Variants in C3orf18 observed in about 807,000 individuals in gnomAD.
C3orf18 encodes the protein uncharacterized protein C3orf18.
Under a neutral mutation model 14.1 loss-of-function variants are expected in C3orf18, and 12 were observed. That is an observed-to-expected ratio of 0.85 (90% CI 0.55 to 1.38). C3orf18 has a LOEUF of 1.38. Among genes scored for constraint, C3orf18 ranks in the 40% most tolerant of loss-of-function variants. The probability of loss-of-function intolerance (pLI) is 0.00; values close to 1 mark genes in which losing one functional copy is unlikely to be tolerated. For missense variants in C3orf18, 196 were observed against 213.9 expected, an observed-to-expected ratio of 0.92 and a Z score of 0.52; for synonymous variants, 82 against 87.9, an observed-to-expected ratio of 0.93 and a Z score of 0.38.
In C3orf18 at chr3:50,561,908, T is replaced by G. The variant is rs538863128; in HGVS notation, c.235-161A>C. 4.1e-4 allele frequency: 284 copies of G among 690,368 alleles called. 2 individuals are homozygous for G. Among genetic ancestry groups the G allele is most frequent in the South Asian group, 2.9e-3 (175 of 60,466 alleles). The allele number at this position is 690,368 out of a possible 1,614,324, so 42.8% of individuals were successfully genotyped here. A position where few individuals can be genotyped will look rare whatever the true frequency, so the allele number is the denominator to read the frequency against. On this transcript the variant is annotated intron_variant, in intron 3 of 5. Coordinates refer to ENST00000357203, the MANE Select transcript of C3orf18 (RefSeq NM_016210.5). The stretch of plus-strand genomic sequence containing the variant: ...TCCCCCTTCACCTTCATGCCTCTTT[T>G]TTTTTTTTTGAGACAGAGTCTTGCT...
chr3:50,561,851 G>T (rs771386194), intron 3 of C3orf18, 104 bp from the exon 4 acceptor site: 1 of 1,171,112 alleles, frequency 8.5e-7, no homozygotes, highest in Non-Finnish European at 1.3e-6. Context: ...CAAGAGACCC[G>T]TGGGTCCCCG....
intron 3 of C3orf18, chr3:50,562,481 T>C (rs1284811824): frequency 2.2e-6 from 1 of 454,426 alleles, no homozygotes. Flanking sequence ...AGGGACCCGG[T>C]AAGGTAGCAC....
intron 3 of C3orf18, chr3:50,562,356 A>T: frequency 2.5e-6 from 1 of 400,476 alleles, no homozygotes; most frequent in Admixed American, 2.8e-5. Context: ...CTGTAGCTCC[A>T]GCCACTCAGC....
At chr3:50,566,295 G>A (rs1250612924) in intron 1 of C3orf18, among the ~76,000 whole-genome samples, 1 of 151,704 alleles carries the variant, frequency 6.6e-6, no homozygotes. Flanking sequence ...ACTTGCCCAA[G>A]AGTCAGACAG....
upstream of C3orf18, among the ~76,000 whole-genome samples, chr3:50,574,376 C>T (rs928769455): frequency 6.6e-6 from 1 of 152,166 alleles, no homozygotes; most frequent in Admixed American, 6.5e-5. Context: ...GATGAGTTTC[C>T]GGTGCTCTGG....
chr3:50,571,651 A>T, upstream of C3orf18: 1 of 1,483,792 alleles, frequency 6.7e-7, no homozygotes. Flanking sequence ...CACATAAGAC[A>T]CCTGGGTTGG....
At chr3:50,560,023 G>A (rs1323754726) in intron 5 of C3orf18, among the ~76,000 whole-genome samples, 2 of 152,202 alleles carry the variant, frequency 1.3e-5, no homozygotes, top group Non-Finnish European at 2.9e-5. Flanking sequence ...GTATCCCCAG[G>A]CCCTAGCACA....
intron 3 of C3orf18, among the ~76,000 whole-genome samples, chr3:50,562,183 C>T (rs1700018604): frequency 6.6e-6 from 1 of 152,216 alleles, no homozygotes; most frequent in South Asian, 2.1e-4. Context: ...CAGGCGTGAG[C>T]CACCACACTG....
In C3orf18 at chr3:50,558,611, A is replaced by G; in HGVS notation, c.*1046T>C. On this transcript the variant is annotated 3_prime_UTR_variant, in exon 6 of 6. Coordinates refer to ENST00000357203, the MANE Select transcript of C3orf18 (RefSeq NM_016210.5). ...GTCATAACTGCCCCCTCTAGCCTGC[A>G]GCCTGTGATTACTGCCCTCAGACCA... is the stretch of plus-strand genomic sequence containing the variant. The G allele has an allele frequency of 9.3e-7, 1 of 1,080,544 alleles. No individual in the cohort carries two copies. The highest frequency in any genetic ancestry group is 1.5e-5 in the South Asian group (1 of 66,880). The allele number at this position is 1,080,544 out of a possible 1,614,324, so 66.9% of individuals were successfully genotyped here.
Position 50,565,705 on chromosome 3 carries a change from T to C in C3orf18, c.-6A>G, listed in dbSNP as rs1383370034. 5 of 1,603,544 alleles carry C rather than the reference T, an allele frequency of 3.1e-6. No homozygotes were observed. Among genetic ancestry groups the C allele is most frequent in the Non-Finnish European group, 4.2e-6 (5 of 1,176,472 alleles). On this transcript the variant is annotated 5_prime_UTR_variant, in exon 3 of 6. Transcript: ENST00000357203. This position sits in a 1 kb window ranked among gnomAD's most constrained non-coding sequence, Gnocchi z 4.4. ...GATGCGGTCCTGGAGTTCATGCTGA[T>C]GCGGAGAGGGCCCTGGCTGAGAGGC...
chr3:50,574,054 G>C (rs936055009), upstream of C3orf18, among the ~76,000 whole-genome samples: 3 of 152,208 alleles, frequency 2.0e-5, no homozygotes, highest in African/African-American at 7.2e-5. Flanking sequence ...GGGCACTTAG[G>C]TTCTGCCCAG....
At chr3:50,568,737 AAAAAAAAAAG>A (rs1358211477), upstream of C3orf18, among the ~76,000 whole-genome samples, 10 of 151,262 alleles carry the variant, frequency 6.6e-5, no homozygotes, top group South Asian at 2.1e-4. Context: ...AAAAAAAAAA[AAAAAAAAAAG>A]AAAAAAAGAA....
Position 50,565,344 on chromosome 3 carries a change from A to G in C3orf18, c.234+122T>C. On this transcript the variant is annotated intron_variant, in intron 3 of 5. Transcript: ENST00000357203. This position sits in a 1 kb window ranked among gnomAD's most constrained non-coding sequence, Gnocchi z 4.4. Reference sequence around the variant, plus strand: ...ATCAAGCCATTGCACTCCAGCCTGCATGACAGAGCAAGACTCTGTCTCAAA... The same window carrying G: ...ATCAAGCCATTGCACTCCAGCCTGCGTGACAGAGCAAGACTCTGTCTCAAA... The G allele has an allele frequency of 2.6e-6, 2 of 774,070 alleles. No individual in the cohort carries two copies. The highest frequency in any genetic ancestry group is 4.2e-6 in the Non-Finnish European group (2 of 471,372). The allele number at this position is 774,070 out of a possible 1,614,324, so 48.0% of individuals were successfully genotyped here. A position where few individuals can be genotyped will look rare whatever the true frequency, so the allele number is the denominator to read the frequency against.
chr3:50,561,050 C>T lies in C3orf18; in HGVS notation c.275G>A (p.Arg92His), dbSNP rs200958718. The T allele has an allele frequency of 1.7e-5, 27 of 1,613,866 alleles. No individual in the cohort carries two copies. In the East Asian group the frequency reaches 2.7e-4, roughly 16 times the overall value. The change falls in exon 5 of 6, where the codon CGC becomes CAC. Residue 92 changes from arginine to histidine, a missense_variant. Arg to His is a conservative substitution (Grantham distance 29). Coordinates refer to ENST00000357203, the MANE Select transcript of C3orf18 (RefSeq NM_016210.5). ...IRKKKRLEKL[R>H]HQLMPMYNFD... Reference sequence around the variant, plus strand: ...GTTGTACATGGGCATGAGCTGGTGGCGTAGCTTCTCCAGCCTGGGGATGGG... The same window carrying T: ...GTTGTACATGGGCATGAGCTGGTGGTGTAGCTTCTCCAGCCTGGGGATGGG...
At chr3:50,571,170 G>C, upstream of C3orf18, 1 of 1,613,792 alleles carries the variant, frequency 6.2e-7, no homozygotes, top group South Asian at 1.1e-5. Context: ...GAAGTACCCG[G>C]GGCTGGGCCT....
chr3:50,562,351 G>A (rs1402560955), intron 3 of C3orf18: 1 of 397,800 alleles, frequency 2.5e-6, no homozygotes, highest in Non-Finnish European at 5.0e-6. Context: ...ACTAACTGTA[G>A]CTCCAGCCAC....
chr3:50,574,258 G>C (rs1232500478), upstream of C3orf18, among the ~76,000 whole-genome samples: 1 of 152,240 alleles, frequency 6.6e-6, no homozygotes, highest in Admixed American at 6.5e-5. Context: ...CTTGCCGAAA[G>C]AGCCACCAGC....
intron 1 of C3orf18, among the ~76,000 whole-genome samples, chr3:50,566,507 CACT>C (rs2107305717): frequency 6.9e-6 from 1 of 144,586 alleles, no homozygotes; most frequent in South Asian, 2.1e-4. Context: ...AGTAAGCATC[CACT>C]ACATGTTAGA....
rs1260901227 is a variant in C3orf18 at position 50,565,765 on chromosome 3, G to A, written c.-66C>T. 3 of 1,290,756 alleles carry A rather than the reference G, an allele frequency of 2.3e-6. No homozygotes were observed. Among genetic ancestry groups the A allele is most frequent in the Non-Finnish European group, 3.2e-6 (3 of 929,088 alleles). The allele number at this position is 1,290,756 out of a possible 1,614,324, so 80.0% of individuals were successfully genotyped here. ...CCAGTCAACCTGCCCACTCACTCCT[G>A]ACTCCGGAGTGCCCCAGCCTGTGGT... On this transcript the variant is annotated 5_prime_UTR_variant, in exon 3 of 6. Transcript: ENST00000357203. The surrounding 1 kb of genome is among the most constrained non-coding windows in gnomAD (Gnocchi z 4.4).
Sources: gnomAD v4.1 joint callset for allele counts (sites outside exome capture counted in the v4.1 genomes callset) on GRCh38, gnomAD v4.1.1 for gene constraint, Gnocchi (gnomAD v3.1) non-coding constraint, MANE v1.5 for transcripts, NCBI Gene and HGNC (gene_info 2026-07-23, HGNC 2026-07-21) for gene names.